Variants in ATE1 observed in about 807,000 individuals in gnomAD.
ATE1 encodes the protein arginyl-tRNA--protein transferase 1.
A neutral mutation model predicts 70.5 loss-of-function variants in ATE1; 36 were observed. The ratio of observed to expected loss-of-function variants is 0.51; its 90% CI spans 0.39 to 0.67. ATE1 has a LOEUF of 0.67. Ranked by LOEUF, ATE1 falls within the 30% of genes least tolerant of loss-of-function variation. ATE1 has a pLI of 0.00. For missense variants in ATE1, 593 were observed against 629.5 expected, an observed-to-expected ratio of 0.94 and a Z score of 0.62; for synonymous variants, 232 against 219.3, an observed-to-expected ratio of 1.06 and a Z score of -0.51.
chr10:121,840,981 T>C (rs1564885015), intron 9 of ATE1, 101 bp downstream of exon 9: 6 of 1,085,102 alleles, frequency 5.5e-6, no homozygotes, highest in Non-Finnish European at 6.2e-6. Flanking sequence ...TAATACACTG[T>C]CAATTAGGAC....
intron 7 of ATE1, among the ~76,000 whole-genome samples, chr10:121,886,067 T>C (rs1030774743): frequency 6.6e-6 from 1 of 152,088 alleles, no homozygotes; most frequent in African/African-American, 2.4e-5. Context: ...TTTCCCTTGA[T>C]TGTCATGTTG....
intron 7 of ATE1, among the ~76,000 whole-genome samples, chr10:121,873,797 T>C (rs1359375398): frequency 2.6e-5 from 4 of 152,102 alleles, no homozygotes; most frequent in African/African-American, 9.7e-5. Context: ...GCCTTATTTG[T>C]TTAATAAGTA....
intron 10 of ATE1, among the ~76,000 whole-genome samples, chr10:121,834,839 A>G (rs1948375544): frequency 6.6e-6 from 1 of 152,218 alleles, no homozygotes. Context: ...GATGAGACAT[A>G]AAAGTGAAAT....
intron 8 of ATE1, among the ~76,000 whole-genome samples, chr10:121,858,104 T>C (rs1949315967): frequency 6.6e-6 from 1 of 152,228 alleles, no homozygotes; most frequent in South Asian, 2.1e-4. Context: ...AATACTTGGG[T>C]TGCTTCTACC....
At chr10:121,852,291 G>A (rs1360019289) in intron 8 of ATE1, among the ~76,000 whole-genome samples, 1 of 152,132 alleles carries the variant, frequency 6.6e-6, no homozygotes. Flanking sequence ...TTAATGTCCC[G>A]AATTTTTAGT....
At chr10:121,860,537 T>G (rs537818150) in intron 8 of ATE1, among the ~76,000 whole-genome samples, 4 of 152,330 alleles carry the variant, frequency 2.6e-5, no homozygotes, top group Admixed American at 6.5e-5. Flanking sequence ...ATTCACAACT[T>G]AATACTAGAA....
intron 7 of ATE1, among the ~76,000 whole-genome samples, chr10:121,892,071 A>G (rs1950598489): frequency 6.6e-6 from 1 of 152,172 alleles, no homozygotes; most frequent in African/African-American, 2.4e-5. Context: ...TGAACTCCAC[A>G]CCAAAATTAG....
chr10:121,793,189 T>C (rs1471604724), intron 10 of ATE1, among the ~76,000 whole-genome samples: 1 of 152,176 alleles, frequency 6.6e-6, no homozygotes, highest in East Asian at 1.9e-4. Context: ...TTACCAGAAA[T>C]GCAAATTAAA....
intron 10 of ATE1, among the ~76,000 whole-genome samples, chr10:121,823,412 C>CA (rs1438350357): frequency 4.6e-5 from 7 of 152,308 alleles, no homozygotes; most frequent in African/African-American, 1.7e-4. Flanking sequence ...GGGGAAAACA[C>CA]AGAGAATGAC....
rs1003690282 is a variant in ATE1, at chr10:121,844,982, C to T, written c.976-3719G>A. 6.0e-5 allele frequency among the ~76,000 whole-genome samples: 9 copies of T among 151,066 alleles called. No individual in the cohort carries two copies. The East Asian group carries it at 7.7e-4, about 13-fold the overall frequency. On this transcript the variant is annotated intron_variant, in intron 8 of 11. Transcript: ENST00000224652. ...GGCAATTTTTCTAAGCATGTGCTCA[C>T]GTCATTAGCATTTTTTAGCAATAAA...
intron 10 of ATE1, among the ~76,000 whole-genome samples, chr10:121,801,385 A>T (rs1946872093): frequency 6.6e-6 from 1 of 152,160 alleles, no homozygotes; most frequent in Non-Finnish European, 1.5e-5. Flanking sequence ...TTTATTTTGG[A>T]AACCCTGAGT....
intron 3 of ATE1, among the ~76,000 whole-genome samples, chr10:121,916,320 T>C (rs769764806): frequency 6.6e-6 from 1 of 152,130 alleles, no homozygotes; most frequent in Non-Finnish European, 1.5e-5. Context: ...ATCACCGCAC[T>C]TCTCAACAGT....
Position 121,841,605 on chromosome 10 carries a change from T to A in ATE1, c.976-342A>T, listed in dbSNP as rs561459912. ...TCAGGCATAAAAAGGAACAAAATAA[T>A]GGCATTCGCAGCAACCTGGATAGAG... On this transcript the variant is annotated intron_variant, in intron 8 of 11. Coordinates refer to ENST00000224652, the MANE Select transcript of ATE1 (RefSeq NM_001001976.3). Among the ~76,000 whole-genome samples the A allele has an allele frequency of 4.6e-5, 7 of 152,326 alleles. No homozygotes were observed. In the South Asian group the frequency reaches 1.0e-3, roughly 23 times the overall value.
intron 10 of ATE1, among the ~76,000 whole-genome samples, chr10:121,811,286 G>A (rs10886989): frequency 0.54 from 81,272 of 151,770 alleles, 21,903 homozygotes; most frequent in Non-Finnish European, 0.55. Flanking sequence ...GGAGAGAGAG[G>A]GGGAGAAAAG....
intron 10 of ATE1, among the ~76,000 whole-genome samples, chr10:121,799,600 T>A (rs375757902): frequency 7.9e-5 from 12 of 152,324 alleles, no homozygotes; most frequent in African/African-American, 2.4e-4. Context: ...TGTGGTCCTG[T>A]GTCTACAGTT....
At chr10:121,917,317 T>G (rs1338829098) in intron 3 of ATE1, among the ~76,000 whole-genome samples, 1 of 152,132 alleles carries the variant, frequency 6.6e-6, no homozygotes, top group African/African-American at 2.4e-5. Context: ...AAGAAAAAAC[T>G]TACATAACTG....
chr10:121,791,088 G>GACA (rs1946431595), intron 10 of ATE1, among the ~76,000 whole-genome samples: 1 of 139,724 alleles, frequency 7.2e-6, no homozygotes, highest in African/African-American at 2.7e-5. Flanking sequence ...GTGTGTGTGT[G>GACA]TATATATATT....
intron 8 of ATE1, among the ~76,000 whole-genome samples, chr10:121,845,776 G>C (rs1301897713): frequency 1.3e-5 from 2 of 152,164 alleles, no homozygotes; most frequent in African/African-American, 2.4e-5. Flanking sequence ...AAGGTAGAAA[G>C]ATTCATGTGC....
chr10:121,745,419 T>C (rs1214881055), intron 11 of ATE1, among the ~76,000 whole-genome samples: 1 of 152,110 alleles, frequency 6.6e-6, no homozygotes, highest in South Asian at 2.1e-4. Context: ...CCCTTTAAAG[T>C]GGGTTAAGAA....
Sources: allele counts gnomAD v4.1 joint callset (sites outside exome capture counted in the v4.1 genomes callset), GRCh38; gene constraint gnomAD v4.1.1; transcripts MANE v1.5; gene names NCBI Gene and HGNC (gene_info 2026-07-23, HGNC 2026-07-21).